DNAH2: variants seen among roughly 807,000 people sequenced by gnomAD.
DNAH2 encodes the protein dynein axonemal heavy chain 2.
DNAH2 carries 323 observed loss-of-function variants against 523.5 expected under a neutral mutation model. The ratio of observed to expected loss-of-function variants is 0.62; its 90% CI spans 0.56 to 0.68. The LOEUF is 0.68. Ranked by LOEUF, DNAH2 falls within the 30% of genes least tolerant of loss-of-function variation. The probability of loss-of-function intolerance (pLI) is 0.00; values close to 1 mark genes in which losing one functional copy is unlikely to be tolerated. For synonymous variants in DNAH2, 2,093 were observed against 2,177.4 expected, an observed-to-expected ratio of 0.96 and a Z score of 1.08; for missense variants, 4,907 against 5,701.5, an observed-to-expected ratio of 0.86 and a Z score of 4.49.
In DNAH2 at chr17:7,776,049, C is replaced by A; in HGVS notation, c.4847C>A (p.Thr1616Asn). The change falls in exon 31 of 86, where the codon ACC (threonine) becomes AAC (asparagine). Residue 1616 changes from threonine to asparagine, a missense_variant. Physicochemically the swap from Thr to Asn is moderately conservative, Grantham distance 65 (BLOSUM62 0). Coordinates refer to ENST00000572933, the MANE Select transcript of DNAH2 (RefSeq NM_020877.5). ...VESWLGDVEQ[T>N]MRVTLRDLLR... is the part of the protein sequence containing the mutation. ...TCCTGGCTTGGCGATGTGGAACAGA[C>A]CATGAGGGTGACCCTGCGGGACCTT... 1 of 1,614,110 alleles carries A rather than the reference C, an allele frequency of 6.2e-7. No individual in the cohort carries two copies. The highest frequency in any genetic ancestry group is 8.5e-7 in the Non-Finnish European group (1 of 1,179,956).
At position 7,797,485 on chromosome 17, in the gene DNAH2, C is replaced by A. The variant is rs145214760; in HGVS notation, c.8035C>A (p.Leu2679Ile). 3.2e-4 allele frequency: 511 copies of A among 1,614,192 alleles called. 3 individuals carry two copies. In the Middle Eastern group the frequency reaches 8.7e-3, roughly 28 times the overall value. The change falls in exon 52 of 86, where the codon CTC (leucine) becomes ATC (isoleucine). Residue 2679 changes from leucine to isoleucine, a missense_variant. Coordinates refer to ENST00000572933, the MANE Select transcript of DNAH2 (RefSeq NM_020877.5). ...CGACAAGCTCGGCTCCTTCTTTGAC[C>A]TCACATTTCATCATCTCTGTCCCAG... ...ISDKLGSFFD[L>I]TFHHLCPSKR... is the part of the protein sequence containing the mutation.
Position 7,754,965 on chromosome 17 carries a change from A to AT in DNAH2, c.1905-2126_1905-2125insT. The AT allele has an allele frequency of 5.4e-4, 197 of 366,564 alleles. No homozygotes were observed. Among genetic ancestry groups the AT allele is most frequent in the Middle Eastern group, 1.5e-3 (2 of 1,350 alleles). The allele number at this position is 366,564 out of a possible 1,614,324, so 22.7% of individuals were successfully genotyped here. A position where few individuals can be genotyped will look rare whatever the true frequency, so the allele number is the denominator to read the frequency against. On this transcript the variant is annotated intron_variant, in intron 12 of 85. Transcript: ENST00000572933. This position sits in a 1 kb window ranked among gnomAD's most constrained non-coding sequence, Gnocchi z 4.6. ...CTATTGGTACAAATAAGCCTGAGGC[A>AT]GAAAAAAAAAAAAAAAGAATAGGCA...
At chr17:7,789,147 C>G (rs1461319224) in intron 44 of DNAH2, among the ~76,000 whole-genome samples, 7 of 149,736 alleles carry the variant, frequency 4.7e-5, no homozygotes, top group Non-Finnish European at 8.9e-5. Context: ...CTAGGCAAGA[C>G]AGAGCAAGAC....
In DNAH2 at chr17:7,737,133, T is replaced by C. The variant is rs2075165517; in HGVS notation, c.1045T>C (p.Leu349=). The change falls in exon 8 of 86, where the codon TTG becomes CTG. Residue 349 remains leucine, a synonymous_variant. Transcript: ENST00000572933. ...AATCCTGAAGGAACCTTACCAGGAG[T>C]TGGCTTTCATGAAGCCCAAGGACAT... ...LSILKEPYQE[L]AFMKPKDISS... is the part of the protein sequence containing the mutation. 1 of 1,613,892 alleles carries C rather than the reference T, an allele frequency of 6.2e-7. No individual in the cohort carries two copies. The highest frequency in any genetic ancestry group is 2.2e-5 in the East Asian group (1 of 44,872).
chr17:7,813,889 CAGTGTG>C (rs2077585665), intron 63 of DNAH2, among the ~76,000 whole-genome samples: 1 of 144,572 alleles, frequency 6.9e-6, no homozygotes, highest in Non-Finnish European at 1.5e-5. Flanking sequence ...GCCTGGGCGA[CAGTGTG>C]AGACTCTGTC....
chr17:7,788,384 G>A (rs2076804783), intron 44 of DNAH2, 140 bp downstream of exon 44: 6 of 1,048,130 alleles, frequency 5.7e-6, no homozygotes, highest in South Asian at 5.1e-5. Flanking sequence ...AGGCTTCAAC[G>A]ACCATGGAGG....
Position 7,764,214 on chromosome 17 carries a change from C to A in DNAH2, c.3277C>A (p.Pro1093Thr). 1 of 1,614,012 alleles carries A rather than the reference C, an allele frequency of 6.2e-7. No individual in the cohort carries two copies. Among genetic ancestry groups the A allele is most frequent in the Non-Finnish European group, 8.5e-7 (1 of 1,179,946 alleles). ...HDLANVETQI[P>T]PIHEQFAILE... The stretch of plus-strand genomic sequence containing the variant: ...CTTGGCCAACGTGGAGACTCAGATC[C>A]CTCCCATACACGAGCAATTTGCCAT... The change falls in exon 20 of 86, where the codon CCT (proline) becomes ACT (threonine). Residue 1093 changes from proline to threonine, a missense_variant. Around this residue, in one of 3 missense-constraint regions of DNAH2, gnomAD observed 2,806 missense variants for 3,190.8 expected, o/e 0.88. Transcript: ENST00000572933.
intron 18 of DNAH2, 66 bp from the exon 19 acceptor site, chr17:7,763,765 G>T (rs1048526935): frequency 6.3e-7 from 1 of 1,588,752 alleles, no homozygotes; most frequent in Admixed American, 1.7e-5. Flanking sequence ...CCTGCAGCCC[G>T]TGTGGGGACA....
chr17:7,725,754 T>G (rs971111017), intron 3 of DNAH2, among the ~76,000 whole-genome samples: 1 of 146,930 alleles, frequency 6.8e-6, no homozygotes, highest in Non-Finnish European at 1.5e-5. Context: ...TGGCCAATTT[T>G]TTTTTATATT....
At chr17:7,781,819 A>C (rs2076611393) in intron 39 of DNAH2, among the ~76,000 whole-genome samples, 1 of 152,082 alleles carries the variant, frequency 6.6e-6, no homozygotes, top group African/African-American at 2.4e-5. Flanking sequence ...TTCTCACCTC[A>C]TCAGGGAGTT....
At chr17:7,726,270 C>G (rs920501093) in intron 3 of DNAH2, among the ~76,000 whole-genome samples, 1 of 147,214 alleles carries the variant, frequency 6.8e-6, no homozygotes, top group Non-Finnish European at 1.5e-5. Context: ...CCTCCCAAAG[C>G]GCTAGGATTA....
chr17:7,803,810 A>G (rs2077287962), intron 58 of DNAH2, among the ~76,000 whole-genome samples: 2 of 70,262 alleles, frequency 2.8e-5, no homozygotes, highest in African/African-American at 3.7e-5. Flanking sequence ...CGCCATCTCT[A>G]CAAAAAAAGA....
chr17:7,763,599 C>G (rs2151203534), intron 18 of DNAH2, among the ~76,000 whole-genome samples: 1 of 152,282 alleles, frequency 6.6e-6, no homozygotes, highest in African/African-American at 2.4e-5. Context: ...GCTTTGAATG[C>G]CAGAATAAGA....
chr17:7,725,425 AAT>A (rs71387992), intron 3 of DNAH2, among the ~76,000 whole-genome samples: 8 of 124,990 alleles, frequency 6.4e-5, no homozygotes, highest in African/African-American at 6.2e-5. Flanking sequence ...ACTTCAAGTG[AAT>A]ATATATATAT....
At position 7,742,967 on chromosome 17, in the gene DNAH2, G is replaced by A; in HGVS notation, c.1729G>A (p.Gly577Arg). The A allele has an allele frequency of 6.7e-7, 1 of 1,486,552 alleles. No individual in the cohort carries two copies. Among genetic ancestry groups the A allele is most frequent in the Non-Finnish European group, 8.9e-7 (1 of 1,120,784 alleles). The allele number at this position is 1,486,552 out of a possible 1,614,324, so 92.1% of individuals were successfully genotyped here. A position where few individuals can be genotyped will look rare whatever the true frequency, so the allele number is the denominator to read the frequency against. ...GAHFLPRIGT[G>R]KESVHTYQQM... is the part of the protein sequence containing the mutation. ...TCATTTCCTGCCCCGTATTGGGACT[G>A]GAAAGGAGAGTGTGCACACCTATCA... The change falls in exon 12 of 86, where the codon GGA becomes AGA. Residue 577 changes from glycine (G) to arginine (R), a missense_variant. Gly to Arg is a moderately radical substitution (Grantham distance 125). Transcript: ENST00000572933.
chr17:7,732,750 T>C (rs2075026093), intron 4 of DNAH2, among the ~76,000 whole-genome samples: 1 of 152,182 alleles, frequency 6.6e-6, no homozygotes, highest in Non-Finnish European at 1.5e-5. Flanking sequence ...GCTGAAGTGC[T>C]TCCTCCATTC....
chr17:7,826,561 AT>A (rs1180489736), intron 77 of DNAH2, among the ~76,000 whole-genome samples: 4 of 94,476 alleles, frequency 4.2e-5, no homozygotes, highest in Non-Finnish European at 6.1e-5. Context: ...TTTTTTTGAG[AT>A]GGAGCCTCAC....
chr17:7,800,403 G>T (rs1416211078), intron 56 of DNAH2, among the ~76,000 whole-genome samples: 2 of 151,988 alleles, frequency 1.3e-5, no homozygotes, highest in Non-Finnish European at 2.9e-5. Flanking sequence ...TGTCCTCAAG[G>T]TTCATCCATG....
At chr17:7,823,680 C>T in intron 74 of DNAH2, 52 bp downstream of exon 74, 1 of 1,596,532 alleles carries the variant, frequency 6.3e-7, no homozygotes, top group Non-Finnish European at 8.5e-7. Flanking sequence ...TCCATTCAGC[C>T]ACATGCCGGC....
Sources: gnomAD v4.1 joint callset for allele counts (sites outside exome capture counted in the v4.1 genomes callset) on GRCh38, gnomAD v4.1.1 for gene constraint, gnomAD v4.1.1 regional missense constraint, Gnocchi (gnomAD v3.1) non-coding constraint, MANE v1.5 for transcripts, NCBI Gene and HGNC (gene_info 2026-07-23, HGNC 2026-07-21) for gene names.